Variants in VPS9D1 observed in about 807,000 individuals in gnomAD.
VPS9D1 encodes VPS9 domain-containing protein 1.
In VPS9D1, 78 loss-of-function variants were observed where a neutral mutation model predicts 75.8. That is an observed-to-expected ratio of 1.03 (90% CI 0.86 to 1.24). The LOEUF is 1.24. Ranked by LOEUF, VPS9D1 falls within the 50% of genes most tolerant of loss-of-function variation. The pLI is 0.00. For synonymous variants in VPS9D1, 481 were observed against 385.6 expected (o/e 1.25, Z -2.90); for missense variants, 1,057 against 847.7 (o/e 1.25, Z -3.07).
At chr16:89,710,353 G>C (rs1346842189) in intron 10 of VPS9D1, among the ~76,000 whole-genome samples, 1 of 152,074 alleles carries the variant, frequency 6.6e-6, no homozygotes, top group Admixed American at 6.6e-5. Context: ...TGGGAGGCCG[G>C]GGTGGGCAGA....
At chr16:89,713,355 T>C (rs184039654) in intron 4 of VPS9D1, among the ~76,000 whole-genome samples, 454 of 151,274 alleles carry the variant, frequency 3.0e-3, no homozygotes, top group African/African-American at 0.01. Flanking sequence ...CCCGGGTTCA[T>C]GCCATTCTCC....
chr16:89,717,529 C>A (rs192948350), intron 2 of VPS9D1: 8,640 of 456,146 alleles, frequency 0.019, 178 homozygotes, highest in Non-Finnish European at 0.025. Flanking sequence ...CTGTGACTCG[C>A]CCCTGGACCC....
chr16:89,708,863 G>T lies in VPS9D1; in HGVS notation c.1691C>A (p.Ala564Asp). ...TCGCCCTCCTGGGACTCACATGGCA[G>T]CTGCAGCGATGGGCGGGGGCCCGGC... ...PQAGPPPIAA[A>D]AIGADDLLPI... The change falls in exon 13 of 15, where the codon GCT becomes GAT. Residue 564 changes from alanine (A) to aspartate (D), a missense_variant. Physicochemically the swap from Ala to Asp is moderately radical, Grantham distance 126. Coordinates refer to ENST00000389386, the MANE Select transcript of VPS9D1 (RefSeq NM_004913.3). 1 of 1,580,594 alleles carries T rather than the reference G, an allele frequency of 6.3e-7. No homozygotes were observed. Among genetic ancestry groups the T allele is most frequent in the Non-Finnish European group, 8.5e-7 (1 of 1,170,652 alleles).
rs2061246264 is a variant in VPS9D1, at chr16:89,720,852, C to T, written c.10G>A (p.Ala4Thr). The change falls in exon 1 of 15, where the codon GCG becomes ACG. Residue 4 changes from alanine (A) to threonine (T), a missense_variant. By Grantham distance (58) the Ala-to-Thr change is moderately conservative. Transcript: ENST00000389386. ...GGCTTCACCGTGCCGTCCCCGGCCG[C>T]AGCGGCCATGGCGCCGAGCGGGGGA... is the stretch of plus-strand genomic sequence containing the variant. The part of the protein sequence containing the change: MAA[A>T]AGDGTVKPLQ... The T allele has an allele frequency of 7.0e-7, 1 of 1,419,334 alleles. No individual in the cohort carries two copies. 87.9% of individuals were successfully genotyped at this position (1,419,334 alleles called of 1,614,324 possible).
intron 8 of VPS9D1, 75 bp downstream of exon 8, chr16:89,711,807 G>T: frequency 6.7e-7 from 1 of 1,488,546 alleles, no homozygotes; most frequent in Non-Finnish European, 9.1e-7. Flanking sequence ...CCCCACGGGG[G>T]CCCACCCAGG....
intron 4 of VPS9D1, among the ~76,000 whole-genome samples, chr16:89,714,161 C>T (rs2061007600): frequency 6.6e-6 from 1 of 152,110 alleles, no homozygotes; most frequent in African/African-American, 2.4e-5. Context: ...TGATCTCGAA[C>T]TCCTGACCTC....
intron 14 of VPS9D1, 52 bp from the exon 15 acceptor site, chr16:89,708,006 C>A (rs182048416): frequency 6.5e-7 from 1 of 1,545,866 alleles, no homozygotes; most frequent in Non-Finnish European, 8.9e-7. Flanking sequence ...AGAAGGATAC[C>A]CCCGGCCCTC....
intron 4 of VPS9D1, among the ~76,000 whole-genome samples, chr16:89,714,223 C>T (rs962818302): frequency 6.6e-6 from 1 of 152,082 alleles, no homozygotes; most frequent in Admixed American, 6.6e-5. Flanking sequence ...CAGGCGGGAG[C>T]CACTGCGCCC....
At chr16:89,715,767 C>A (rs558715303) in intron 4 of VPS9D1, among the ~76,000 whole-genome samples, 1 of 152,136 alleles carries the variant, frequency 6.6e-6, no homozygotes, top group South Asian at 2.1e-4. Flanking sequence ...CCTCCACCTT[C>A]CAGGATCAAG....
In VPS9D1 at chr16:89,711,336, T is replaced by C; in HGVS notation, c.824A>G (p.His275Arg). 2 of 1,609,380 alleles carry C rather than the reference T, an allele frequency of 1.2e-6. No individual in the cohort carries two copies. The highest frequency in any genetic ancestry group is 1.7e-6 in the Non-Finnish European group (2 of 1,178,092). The change falls in exon 9 of 15, where the codon CAC becomes CGC. Residue 275 changes from histidine to arginine, a missense_variant. Physicochemically the swap from His to Arg is conservative, Grantham distance 29 (BLOSUM62 0). Coordinates refer to ENST00000389386, the MANE Select transcript of VPS9D1 (RefSeq NM_004913.3). Reference protein sequence around the residue: ...DLSLVTSLVSHLLSLPDHPIA... With the variant: ...DLSLVTSLVSRLLSLPDHPIA... The stretch of plus-strand genomic sequence containing the variant: ...CTGAAGGCCCAGCTACCTGAGCAGG[T>C]GTGAGACCAGGCTGGTCACGAGTGA...
At chr16:89,715,151 C>G (rs1195063442) in intron 4 of VPS9D1, among the ~76,000 whole-genome samples, 3 of 151,900 alleles carry the variant, frequency 2.0e-5, no homozygotes, top group African/African-American at 2.4e-5. Context: ...CTGTTATAAA[C>G]TTGTCTGCTC....
intron 8 of VPS9D1, 126 bp downstream of exon 8, chr16:89,711,756 G>GC (rs1450772361): frequency 3.3e-6 from 4 of 1,199,976 alleles, no homozygotes; most frequent in Non-Finnish European, 4.6e-6. Context: ...CGGGCCTCTG[G>GC]CCCCGCCCCC....
chr16:89,708,581 C>G (rs2060842235), intron 13 of VPS9D1, 50 bp from the exon 14 acceptor site: 2 of 1,561,576 alleles, frequency 1.3e-6, no homozygotes, highest in East Asian at 2.3e-5. Flanking sequence ...GCCTCTCACT[C>G]CGCAAACCCA....
intron 2 of VPS9D1, 161 bp from the exon 3 acceptor site, chr16:89,716,983 C>T (rs2061086470): frequency 1.8e-6 from 1 of 541,426 alleles, no homozygotes; most frequent in Non-Finnish European, 2.9e-6. Context: ...CTCACTGACC[C>T]TGGGCAAGCC....
At chr16:89,708,802 A>G (rs963749254) in intron 13 of VPS9D1, 55 bp downstream of exon 13, 15 of 1,488,956 alleles carry the variant, frequency 1.0e-5, no homozygotes, top group Admixed American at 5.0e-5. Flanking sequence ...TCCCGTGACC[A>G]TTGCCTTTCT....
chr16:89,711,877 C>G lies in VPS9D1; in HGVS notation c.747+5G>C. 6.5e-7 allele frequency: 1 copy of G among 1,550,182 alleles called. No individual in the cohort carries two copies. Among genetic ancestry groups the G allele is most frequent in the Admixed American group, 2.0e-5 (1 of 50,986 alleles). On this transcript the variant is annotated splice_donor_5th_base_variant and intron_variant, in intron 8 of 14. Transcript: ENST00000389386. ...CTACAAAGCCTGGGCCCGTGGGGGA[C>G]GCACATGGTCCTGTTCGTACTCCAG...
chr16:89,709,294 G>T lies in VPS9D1; in HGVS notation c.1530C>A (p.Cys510Ter). Residue 510 changes from cysteine to a stop codon, truncating the protein, a stop_gained, in exon 12 of 15, where the codon TGC becomes TGA. Transcript: ENST00000389386. LOFTEE classifies it high-confidence loss of function. The stretch of plus-strand genomic sequence containing the variant: ...GCAGTCCGAGCTCCTGGGCCGCCGC[G>T]CAGTAGGGGTAGCCAGTGGCCCCCT... ...EAKGATGYPY[C>*]AAAQELGLLV... 6.2e-7 allele frequency: 1 copy of T among 1,609,346 alleles called. No individual in the cohort carries two copies. The highest frequency in any genetic ancestry group is 2.2e-5 in the East Asian group (1 of 44,876).
rs374168803 is a variant in VPS9D1, at chr16:89,712,441, G to C, written c.606+19C>G. On this transcript the variant is annotated intron_variant, in intron 6 of 14. Coordinates refer to ENST00000389386, the MANE Select transcript of VPS9D1 (RefSeq NM_004913.3). ...CTGAGTTTCCCCTCGGGGACCACCA[G>C]GGCGGTCAGAAAGGCTGCTGTCTCC... The C allele has an allele frequency of 1.1e-4, 174 of 1,612,430 alleles. No individual in the cohort carries two copies. In the Middle Eastern group the frequency reaches 3.1e-3, roughly 29 times the overall value.
intron 8 of VPS9D1, 35 bp from the exon 9 acceptor site, chr16:89,711,447 G>A (rs1226491061): frequency 1.3e-6 from 2 of 1,569,182 alleles, no homozygotes; most frequent in Non-Finnish European, 1.7e-6. Flanking sequence ...AAAGCACGGT[G>A]GGTCCGCCAC....
Sources: allele counts gnomAD v4.1 joint callset (sites outside exome capture counted in the v4.1 genomes callset), GRCh38; gene constraint gnomAD v4.1.1; transcripts MANE v1.5; gene names NCBI Gene and HGNC (gene_info 2026-07-23, HGNC 2026-07-21).